The following DGKI variants were observed in gnomAD, a reference collection of about 807,000 sequenced individuals.
The protein encoded by DGKI is diacylglycerol kinase iota.
A neutral mutation model predicts 147.5 loss-of-function variants in DGKI; 55 were observed. The ratio of observed to expected loss-of-function variants is 0.37; its 90% CI spans 0.30 to 0.47. The LOEUF is 0.47. Ranked by LOEUF, DGKI falls within the 20% of genes least tolerant of loss-of-function variation. The probability of loss-of-function intolerance (pLI) is 1.00; values close to 1 mark genes in which losing one functional copy is unlikely to be tolerated. For synonymous variants in DGKI, 469 were observed against 477.1 expected, an observed-to-expected ratio of 0.98 and a Z score of 0.22; for missense variants, 1,007 against 1,323.8, an observed-to-expected ratio of 0.76 and a Z score of 3.71.
chr7:137,477,610 T>C (rs1366883195), intron 23 of DGKI, among the ~76,000 whole-genome samples: 1 of 152,214 alleles, frequency 6.6e-6, no homozygotes, highest in African/African-American at 2.4e-5. Flanking sequence ...TGGTATAATA[T>C]GTATAGTGTG....
At chr7:137,459,408 T>A (rs1211683143) in intron 27 of DGKI, among the ~76,000 whole-genome samples, 1 of 152,084 alleles carries the variant, frequency 6.6e-6, no homozygotes, top group African/African-American at 2.4e-5. Context: ...TTCAGTACTT[T>A]TTTCTTTTAA....
At chr7:137,788,221 C>T (rs1796731682) in intron 1 of DGKI, among the ~76,000 whole-genome samples, 1 of 152,070 alleles carries the variant, frequency 6.6e-6, no homozygotes. Flanking sequence ...CTCTGGGTCC[C>T]ATCCACACTT....
chr7:137,751,558 T>C (rs73152525), intron 1 of DGKI, among the ~76,000 whole-genome samples: 2,039 of 152,348 alleles, frequency 0.013, 14 homozygotes, highest in South Asian at 0.023. Flanking sequence ...TGCTTGAGTA[T>C]AGATAATGAC....
At chr7:137,397,487 A>G in intron 30 of DGKI, 74 bp from the exon 31 acceptor site, 1 of 1,483,800 alleles carries the variant, frequency 6.7e-7, no homozygotes, top group African/African-American at 1.4e-5. Flanking sequence ...ATCTATAGTC[A>G]CAGAATTAAA....
chr7:137,837,506 T>G (rs1398014363), intron 1 of DGKI, among the ~76,000 whole-genome samples: 1 of 152,292 alleles, frequency 6.6e-6, no homozygotes, highest in Non-Finnish European at 1.5e-5. Context: ...AAAAGTCACA[T>G]GTTGAAATTA....
chr7:137,546,860 C>G (rs1341967315), intron 20 of DGKI, among the ~76,000 whole-genome samples: 1 of 152,224 alleles, frequency 6.6e-6, no homozygotes, highest in Non-Finnish European at 1.5e-5. Context: ...CTCTCTCTGT[C>G]TGTGTTATCC....
At chr7:137,815,876 AC>A (rs1006389071) in intron 1 of DGKI, among the ~76,000 whole-genome samples, 2 of 152,120 alleles carry the variant, frequency 1.3e-5, no homozygotes, top group East Asian at 1.9e-4. Flanking sequence ...CATTATGGGT[AC>A]CCTTTTATAT....
At chr7:137,823,109 G>A (rs1797951167) in intron 1 of DGKI, among the ~76,000 whole-genome samples, 1 of 150,286 alleles carries the variant, frequency 6.7e-6, no homozygotes, top group African/African-American at 2.4e-5. Flanking sequence ...AGTTTTTAGA[G>A]CGAAGAGATC....
chr7:137,843,341 C>A (rs1307204396), intron 1 of DGKI: 3 of 806,870 alleles, frequency 3.7e-6, no homozygotes, highest in East Asian at 2.5e-4. Context: ...GTTGCAGCAC[C>A]ATAATTTGCA....
In DGKI at chr7:137,483,988, T is replaced by G. The variant is rs77365743; in HGVS notation, c.2373+1386A>C. On this transcript the variant is annotated intron_variant, in intron 23 of 32. Coordinates refer to ENST00000614521, the MANE Select transcript of DGKI (RefSeq NM_001321708.2). ...GAAAGTTGTGCTCTATCTAAAAAATTTGGTGGAAATTTGTCTTCTAGTGTT... is the reference window on the plus strand; with the variant it reads ...GAAAGTTGTGCTCTATCTAAAAAATGTGGTGGAAATTTGTCTTCTAGTGTT... Among the ~76,000 whole-genome samples, 1,249 of 152,132 alleles carry G rather than the reference T, an allele frequency of 8.2e-3. 15 individuals carry two copies. The highest frequency in any genetic ancestry group is 0.028 in the African/African-American group (1,180 of 41,528).
intron 28 of DGKI, among the ~76,000 whole-genome samples, chr7:137,416,239 G>A (rs905258809): frequency 2.0e-5 from 3 of 152,108 alleles, no homozygotes; most frequent in Admixed American, 2.0e-4. Flanking sequence ...GGCTATTTAA[G>A]GATCACTAAA....
At chr7:137,522,446 C>T (rs576921021) in intron 20 of DGKI, among the ~76,000 whole-genome samples, 44 of 152,054 alleles carry the variant, frequency 2.9e-4, no homozygotes, top group African/African-American at 7.7e-4. Context: ...GGGTTGAGAC[C>T]GAAGTAGCTC....
rs1401559501 is a variant in DGKI at position 137,526,635 on chromosome 7, G to A, written c.2148-4669C>T. On this transcript the variant is annotated intron_variant, in intron 20 of 32. Transcript: ENST00000614521. The stretch of plus-strand genomic sequence containing the variant: ...ACACACCTTTTACCCTGAGATGTTG[G>A]AAGGGAGGTAGACTGACTTTCCATT... Among the ~76,000 whole-genome samples the A allele has an allele frequency of 3.9e-5, 6 of 152,154 alleles. 1 individual carries two copies. The highest frequency in any genetic ancestry group is 3.3e-4 in the Admixed American group (5 of 15,262).
chr7:137,606,096 A>G (rs1820175478), intron 10 of DGKI, among the ~76,000 whole-genome samples: 1 of 152,226 alleles, frequency 6.6e-6, no homozygotes, highest in South Asian at 2.1e-4. Flanking sequence ...AGAATGTATC[A>G]ATTTAGAAAA....
chr7:137,636,889 C>T (rs1294379224), intron 6 of DGKI, among the ~76,000 whole-genome samples: 2 of 152,194 alleles, frequency 1.3e-5, no homozygotes, highest in Non-Finnish European at 2.9e-5. Context: ...CAGGGCTCCT[C>T]CTTCCCCCTG....
chr7:137,641,702 G>T (rs1821632482), intron 6 of DGKI, among the ~76,000 whole-genome samples: 1 of 152,130 alleles, frequency 6.6e-6, no homozygotes, highest in South Asian at 2.1e-4. Flanking sequence ...TCAGATAAGG[G>T]ATATTCAATG....
chr7:137,560,639 T>C (rs1362707246), intron 19 of DGKI, among the ~76,000 whole-genome samples: 1 of 152,164 alleles, frequency 6.6e-6, no homozygotes, highest in African/African-American at 2.4e-5. Context: ...TTATTCTGGA[T>C]TGTCTTAGTG....
chr7:137,484,175 C>T (rs1254712369), intron 23 of DGKI, among the ~76,000 whole-genome samples: 1 of 151,914 alleles, frequency 6.6e-6, no homozygotes, highest in Non-Finnish European at 1.5e-5. Flanking sequence ...AACACAAAGG[C>T]CATTCCTGTC....
chr7:137,582,594 C>T (rs1443553892), intron 14 of DGKI, among the ~76,000 whole-genome samples: 1 of 151,998 alleles, frequency 6.6e-6, no homozygotes, highest in Non-Finnish European at 1.5e-5. Flanking sequence ...TCTATCAACC[C>T]TTATATCTTT....
Sources: allele counts gnomAD v4.1 joint callset (sites outside exome capture counted in the v4.1 genomes callset), GRCh38; gene constraint gnomAD v4.1.1; transcripts MANE v1.5; gene names NCBI Gene and HGNC (gene_info 2026-07-23, HGNC 2026-07-21).